ERI1: variants seen among roughly 807,000 people sequenced by gnomAD.
ERI1 encodes 3'-5' exoribonuclease 1.
A neutral mutation model predicts 39.7 loss-of-function variants in ERI1; 39 were observed. The ratio of observed to expected loss-of-function variants is 0.98; its 90% CI spans 0.76 to 1.28. The LOEUF (loss-of-function observed/expected upper bound fraction) is 1.28. Ranked by LOEUF, ERI1 falls within the 50% of genes most tolerant of loss-of-function variation. The pLI, the probability that ERI1 is intolerant of heterozygous loss-of-function variation, is 0.00. For missense variants in ERI1, 581 were observed against 416.9 expected (o/e 1.39, Z -3.43); for synonymous variants, 204 against 149.6 (o/e 1.36, Z -2.65).
chr8:9,008,742 T>C (rs1278841650), intron 2 of ERI1, among the ~76,000 whole-genome samples: 1 of 152,196 alleles, frequency 6.6e-6, no homozygotes, highest in Non-Finnish European at 1.5e-5. Context: ...TTTACGTTCA[T>C]TGGGCCATGG....
intron 6 of ERI1, among the ~76,000 whole-genome samples, chr8:9,021,129 A>T (rs1189182838): frequency 6.6e-6 from 1 of 152,072 alleles, no homozygotes; most frequent in Non-Finnish European, 1.5e-5. Context: ...CTCAGTGTTC[A>T]TACTCCCGTG....
chr8:9,086,595 A>C (rs1471001242), intron 3 of ERI1, among the ~76,000 whole-genome samples: 1 of 152,078 alleles, frequency 6.6e-6, no homozygotes, highest in African/African-American at 2.4e-5. Flanking sequence ...CCATAGTTTG[A>C]CTCTTAAGAA....
intron 3 of ERI1, among the ~76,000 whole-genome samples, chr8:9,099,507 A>C (rs1170007684): frequency 6.6e-6 from 1 of 151,846 alleles, no homozygotes; most frequent in African/African-American, 2.4e-5. Flanking sequence ...AGTTGGAAGA[A>C]TCAGTTGAGC....
intron 3 of ERI1, among the ~76,000 whole-genome samples, chr8:9,092,657 G>C (rs1384023645): frequency 1.3e-5 from 2 of 152,206 alleles, no homozygotes; most frequent in Non-Finnish European, 2.9e-5. Context: ...GAAGGAACCA[G>C]GGCTGTGAGC....
chr8:9,084,481 C>G (rs1273331304), intron 3 of ERI1, among the ~76,000 whole-genome samples: 2 of 152,150 alleles, frequency 1.3e-5, no homozygotes, highest in Non-Finnish European at 2.9e-5. Context: ...TGCCTGCCTT[C>G]CCGATATCAA....
Position 9,008,134 on chromosome 8 carries a change from C to G in ERI1, c.273C>G (p.Phe91Leu). ...AACTCAGAGCTAAGCTTTCAGAATTCAAGCTTGAAACTAGGTAATTAAAAA... is the reference window on the plus strand; with the variant it reads ...AACTCAGAGCTAAGCTTTCAGAATTGAAGCTTGAAACTAGGTAATTAAAAA... The part of the protein sequence containing the change: ...KEELRAKLSE[F>L]KLETRGVKDV... Residue 91 changes from phenylalanine (F) to leucine (L), a missense_variant, in exon 2 of 7, where the codon TTC becomes TTG. Transcript: ENST00000250263. 6.3e-7 allele frequency: 1 copy of G among 1,588,308 alleles called. No individual in the cohort carries two copies. The highest frequency in any genetic ancestry group is 8.5e-7 in the Non-Finnish European group (1 of 1,169,820).
At chr8:9,015,156 C>CT (rs1270294090) in intron 3 of ERI1, among the ~76,000 whole-genome samples, 1 of 152,012 alleles carries the variant, frequency 6.6e-6, no homozygotes, top group Non-Finnish European at 1.5e-5. Context: ...CTTTTTTGTT[C>CT]TTTACTGTTG....
intron 3 of ERI1, among the ~76,000 whole-genome samples, chr8:9,084,064 A>G (rs1799451479): frequency 6.6e-6 from 1 of 152,078 alleles, no homozygotes; most frequent in Admixed American, 6.5e-5. Flanking sequence ...AAATGCTGGG[A>G]TTACAGGCGT....
At chr8:9,072,822 G>A (rs563293183) in intron 3 of ERI1, among the ~76,000 whole-genome samples, 8 of 152,304 alleles carry the variant, frequency 5.3e-5, no homozygotes, top group Non-Finnish European at 1.0e-4. Flanking sequence ...CAGAGGGTCA[G>A]GGTCAGGGTC....
Position 9,028,769 on chromosome 8 carries a change from G to A in ERI1, c.808-1023G>A, listed in dbSNP as rs180965334. 8.2e-3 allele frequency among the ~76,000 whole-genome samples: 1,249 copies of A among 151,926 alleles called. 16 individuals carry two copies. The highest frequency in any genetic ancestry group is 0.029 in the African/African-American group (1,196 of 41,438). ...CTCCCGAGTAGCTGGGATTACAGGC[G>A]CACGCCACCATAGCCAGATAATTTT... On this transcript the variant is annotated intron_variant, in intron 6 of 6. Coordinates refer to ENST00000250263, the MANE Select transcript of ERI1 (RefSeq NM_153332.4).
chr8:9,034,534 T>C (rs1357959827), downstream of ERI1, among the ~76,000 whole-genome samples: 2 of 152,214 alleles, frequency 1.3e-5, no homozygotes, highest in Admixed American at 6.5e-5. Context: ...TCAGTGACTT[T>C]TGATGTTACT....
chr8:9,021,029 CAAGATT>C (rs1817832728), intron 6 of ERI1, among the ~76,000 whole-genome samples: 1 of 152,068 alleles, frequency 6.6e-6, no homozygotes, highest in African/African-American at 2.4e-5. Flanking sequence ...CCTGAAAGAT[CAAGATT>C]GAGTTCAATT....
At position 9,028,802 on chromosome 8, in the gene ERI1, T is replaced by G. The variant is rs373306346; in HGVS notation, c.808-990T>G. On this transcript the variant is annotated intron_variant, in intron 6 of 6. Transcript: ENST00000250263. ...CCATAGCCAGATAATTTTTATATTTTTAGTAGAGATGGGGTTTCACCATGT... is the reference window on the plus strand; with the variant it reads ...CCATAGCCAGATAATTTTTATATTTGTAGTAGAGATGGGGTTTCACCATGT... 1.2e-4 allele frequency among the ~76,000 whole-genome samples: 18 copies of G among 151,904 alleles called. No individual in the cohort carries two copies. The East Asian group carries it at 3.5e-3, about 29-fold the overall frequency.
At chr8:9,006,762 C>G (rs1161528557) in intron 1 of ERI1, among the ~76,000 whole-genome samples, 1 of 152,132 alleles carries the variant, frequency 6.6e-6, no homozygotes, top group Non-Finnish European at 1.5e-5. Context: ...GAACTGCTGA[C>G]CTCTTCCTCA....
intron 6 of ERI1, among the ~76,000 whole-genome samples, chr8:9,025,759 C>G (rs1009741817): frequency 1.3e-5 from 2 of 150,908 alleles, no homozygotes; most frequent in Non-Finnish European, 2.9e-5. Context: ...TTGAGTATCC[C>G]TAATTGGAAA....
rs1163852917 is a variant in ERI1, at chr8:9,010,188, GAT to G, written c.288-1353_288-1352del. The stretch of plus-strand genomic sequence containing the variant: ...GGTGAATATTTGGAAGAGCAAAGGA[GAT>G]GTTAAAGATAGCAGGTTTCTATCCA... On this transcript the variant is annotated intron_variant, in intron 2 of 6. Coordinates refer to ENST00000250263, the MANE Select transcript of ERI1 (RefSeq NM_153332.4). Among the ~76,000 whole-genome samples, 10 of 152,334 alleles carry G rather than the reference GAT, an allele frequency of 6.6e-5. No homozygotes were observed. The South Asian group carries it at 1.0e-3, about 16-fold the overall frequency.
rs896145145 is a variant in ERI1 at position 9,051,232 on chromosome 8, G to A, written n.299+30768G>A. Reference sequence around the variant, plus strand: ...ACAGTATGGTGGCTGAGAAGTCCACGGTTGAGGGACTGCATCTGGTGAGGG... The same window carrying A: ...ACAGTATGGTGGCTGAGAAGTCCACAGTTGAGGGACTGCATCTGGTGAGGG... On this transcript the variant is annotated intron_variant and non_coding_transcript_variant, in intron 3 of 3. Transcript: ENST00000518663. 9.2e-5 allele frequency among the ~76,000 whole-genome samples: 14 copies of A among 151,882 alleles called. No homozygotes were observed. In the East Asian group the frequency reaches 1.5e-3, roughly 17 times the overall value.
intron 3 of ERI1, among the ~76,000 whole-genome samples, chr8:9,097,905 GTATATGTA>G (rs1219095987): frequency 3.3e-5 from 5 of 152,066 alleles, no homozygotes; most frequent in African/African-American, 1.2e-4. Flanking sequence ...AGAAATTATG[GTATATGTA>G]TATACACCAT....
At chr8:9,095,796 C>T (rs971541179) in intron 3 of ERI1, among the ~76,000 whole-genome samples, 1 of 152,148 alleles carries the variant, frequency 6.6e-6, no homozygotes, top group Non-Finnish European at 1.5e-5. Context: ...GTTAGGATTA[C>T]ACTGCGCTCG....
Sources: allele counts gnomAD v4.1 joint callset (sites outside exome capture counted in the v4.1 genomes callset), GRCh38; gene constraint gnomAD v4.1.1; transcripts MANE v1.5; gene names NCBI Gene and HGNC (gene_info 2026-07-23, HGNC 2026-07-21).